Variants in ANO4 observed in about 807,000 individuals in gnomAD.
The protein encoded by ANO4 is anoctamin 4.
Under a neutral mutation model 141.9 loss-of-function variants are expected in ANO4, and 69 were observed. That is an observed-to-expected ratio of 0.49 (90% CI 0.40 to 0.59). ANO4 has a LOEUF of 0.59. ANO4 is among the 20% of genes least tolerant of loss of function. The pLI is 0.00. For synonymous variants in ANO4, 350 were observed against 394.3 expected, an observed-to-expected ratio of 0.89 and a Z score of 1.33; for missense variants, 894 against 1,162.2, an observed-to-expected ratio of 0.77 and a Z score of 3.36.
chr12:101,015,125 A>C (rs1217632873), intron 8 of ANO4, among the ~76,000 whole-genome samples: 1 of 151,774 alleles, frequency 6.6e-6, no homozygotes, highest in Non-Finnish European at 1.5e-5. Context: ...ACCCAGCCAA[A>C]AATTGCAGTT....
At position 101,014,761 on chromosome 12, in the gene ANO4, G is replaced by T. The variant is rs561787820; in HGVS notation, c.735-5273G>T. Among the ~76,000 whole-genome samples, 3 of 152,244 alleles carry T rather than the reference G, an allele frequency of 2.0e-5. No homozygotes were observed. In the South Asian group the frequency reaches 6.2e-4, roughly 32 times the overall value. On this transcript the variant is annotated intron_variant, in intron 8 of 27. Transcript: ENST00000392977. ...TCAGCAGTTTATTCCCCTCTTCACC[G>T]AATTTCAGGGGGAATGTGAGAGCAA...
intron 1 of ANO4, among the ~76,000 whole-genome samples, chr12:100,857,268 A>G (rs1332012726): frequency 1.3e-5 from 2 of 152,186 alleles, no homozygotes; most frequent in African/African-American, 4.8e-5. Flanking sequence ...AACCTTCTTA[A>G]GTGGACAATC....
At chr12:100,753,988 C>A (rs1030855347) in intron 3 of ANO4, among the ~76,000 whole-genome samples, 1 of 152,198 alleles carries the variant, frequency 6.6e-6, no homozygotes, top group African/African-American at 2.4e-5. Flanking sequence ...ACCAACCACT[C>A]ATTTGCAGTC....
intron 14 of ANO4, among the ~76,000 whole-genome samples, chr12:101,059,815 CTT>C (rs1026078599): frequency 2.6e-5 from 4 of 151,760 alleles, no homozygotes; most frequent in Admixed American, 2.6e-4. Flanking sequence ...ATTTTTTAAT[CTT>C]TTTTAAAAAA....
chr12:101,030,128 A>T (rs374585010), intron 9 of ANO4, among the ~76,000 whole-genome samples: 12 of 152,098 alleles, frequency 7.9e-5, no homozygotes, highest in East Asian at 5.8e-4. Context: ...GATCAAGTGG[A>T]CCTAATAGAC....
At position 100,942,620 on chromosome 12, in the gene ANO4, T is replaced by C. The variant is rs544972489; in HGVS notation, c.456+85T>C. On this transcript the variant is annotated intron_variant, in intron 5 of 27. Coordinates refer to ENST00000392977, the MANE Select transcript of ANO4 (RefSeq NM_001286615.2). Reference sequence around the variant, plus strand: ...ATAAGAAATAAGCAAGCAGTCTTAATGTTAACCAAACATTTCATTTGGTCA... The same window carrying C: ...ATAAGAAATAAGCAAGCAGTCTTAACGTTAACCAAACATTTCATTTGGTCA... 2.8e-4 allele frequency: 385 copies of C among 1,388,654 alleles called. 3 individuals are homozygous for C. In the African/African-American group the frequency reaches 5.1e-3, roughly 18 times the overall value. 86.0% of individuals were successfully genotyped at this position (1,388,654 alleles called of 1,614,324 possible).
At chr12:101,108,132 G>A (rs141395324) in intron 22 of ANO4, among the ~76,000 whole-genome samples, 9 of 152,232 alleles carry the variant, frequency 5.9e-5, no homozygotes, top group African/African-American at 1.7e-4. Flanking sequence ...CAGGGTTAGC[G>A]ATAGAGAATT....
At chr12:100,747,046 G>A (rs137980478) in intron 3 of ANO4, among the ~76,000 whole-genome samples, 1,726 of 152,218 alleles carry the variant, frequency 0.011, 38 homozygotes, top group African/African-American at 0.038. Context: ...ATGTTTAGCA[G>A]CATCCCTGGC....
chr12:100,881,679 GT>G (rs965390240), intron 1 of ANO4, among the ~76,000 whole-genome samples: 1 of 152,192 alleles, frequency 6.6e-6, no homozygotes, highest in African/African-American at 2.4e-5. Flanking sequence ...GAAAATGAGG[GT>G]GTTGGAGCAG....
intron 2 of ANO4, among the ~76,000 whole-genome samples, chr12:100,921,778 C>A (rs1406948415): frequency 1.3e-5 from 2 of 151,942 alleles, no homozygotes; most frequent in Non-Finnish European, 1.5e-5. Context: ...GTATTAATAC[C>A]TTGTTTCCGT....
chr12:100,912,347 A>T (rs1389381789), intron 2 of ANO4, among the ~76,000 whole-genome samples: 1 of 148,582 alleles, frequency 6.7e-6, no homozygotes, highest in Admixed American at 6.8e-5. Context: ...GTGAGCCAAG[A>T]TCATGCCACT....
rs58938210 is a variant in ANO4 at position 100,906,103 on chromosome 12, A to T, written c.55+4263A>T. Reference sequence around the variant, plus strand: ...TGAAACTAAAGTAGGACTAGTTATCATCATTGTGTAGTTTTTAATTTTGTG... The same window carrying T: ...TGAAACTAAAGTAGGACTAGTTATCTTCATTGTGTAGTTTTTAATTTTGTG... On this transcript the variant is annotated intron_variant, in intron 2 of 27. Transcript: ENST00000392977. Among the ~76,000 whole-genome samples the T allele has an allele frequency of 7.4e-4, 113 of 152,346 alleles. 1 individual carries two copies. In the East Asian group the frequency reaches 0.017, roughly 23 times the overall value.
At chr12:101,046,183 G>A (rs1311823508) in intron 13 of ANO4, among the ~76,000 whole-genome samples, 1 of 152,236 alleles carries the variant, frequency 6.6e-6, no homozygotes, top group Admixed American at 6.5e-5. Context: ...GCAGAATTGG[G>A]CACTTTCCCT....
chr12:100,851,551 G>C (rs2135851920), intron 1 of ANO4, among the ~76,000 whole-genome samples: 1 of 152,080 alleles, frequency 6.6e-6, no homozygotes, highest in African/African-American at 2.4e-5. Flanking sequence ...CTTTTACTTT[G>C]TGAATTCTTT....
chr12:100,825,996 T>G (rs1367869748), intron 1 of ANO4, among the ~76,000 whole-genome samples: 1 of 152,040 alleles, frequency 6.6e-6, no homozygotes, highest in Non-Finnish European at 1.5e-5. Context: ...TGCACATCAC[T>G]GAGGAATTTG....
chr12:100,822,364 T>G (rs1407626910), intron 1 of ANO4, among the ~76,000 whole-genome samples: 1 of 151,964 alleles, frequency 6.6e-6, no homozygotes, highest in Non-Finnish European at 1.5e-5. Context: ...CGAGTCTAAC[T>G]ACGATTCGAA....
intron 1 of ANO4, among the ~76,000 whole-genome samples, chr12:100,884,504 G>C (rs2039729393): frequency 6.6e-6 from 1 of 152,166 alleles, no homozygotes; most frequent in African/African-American, 2.4e-5. Context: ...TTAAGGAGAG[G>C]TGGGGACCTG....
intron 2 of ANO4, among the ~76,000 whole-genome samples, chr12:100,919,736 G>GTATGTATCTATCTATCTATCTATCTGTC (rs3059277): frequency 7.5e-6 from 1 of 133,056 alleles, no homozygotes; most frequent in Non-Finnish European, 1.6e-5. Context: ...GTGTATGTAT[G>GTATGTATCTATCTATCTATCTATCTGTC]TATCTATCTA....
At chr12:100,721,749 G>A (rs1300686183) in intron 1 of ANO4, among the ~76,000 whole-genome samples, 1 of 152,048 alleles carries the variant, frequency 6.6e-6, no homozygotes, top group African/African-American at 2.4e-5. Flanking sequence ...CATGATCCTG[G>A]CTCATTGCAG....
Sources: gnomAD v4.1 joint callset for allele counts (sites outside exome capture counted in the v4.1 genomes callset) on GRCh38, gnomAD v4.1.1 for gene constraint, MANE v1.5 for transcripts, NCBI Gene and HGNC (gene_info 2026-07-23, HGNC 2026-07-21) for gene names.